Variants in ASB13 observed in about 807,000 individuals in gnomAD.
ASB13 encodes ankyrin repeat and SOCS box protein 13.
Under a neutral mutation model 28.8 loss-of-function variants are expected in ASB13, and 33 were observed. The observed-to-expected ratio is 1.15, with a 90% CI of 0.87 to 1.53. ASB13 has a LOEUF of 1.53. Ranked by LOEUF, ASB13 falls within the 40% of genes most tolerant of loss-of-function variation. The probability of loss-of-function intolerance (pLI) is 0.00; values close to 1 mark genes in which losing one functional copy is unlikely to be tolerated. For missense variants in ASB13, 414 were observed against 390.1 expected (o/e 1.06, Z -0.52); for synonymous variants, 182 against 172.9 (o/e 1.05, Z -0.41).
chr10:5,659,469 G>C lies in ASB13; in HGVS notation c.44-6419C>G, dbSNP rs148218152. ...CAGGCTCCCCGTCATGCACACAGCC[G>C]TGTCCAGTGACACCAAACTCTACCG... On this transcript the variant is annotated intron_variant, in intron 1 of 5. Coordinates refer to ENST00000357700, the MANE Select transcript of ASB13 (RefSeq NM_024701.4). The surrounding 1 kb of genome is among the most constrained non-coding windows in gnomAD (Gnocchi z 5.8). Among the ~76,000 whole-genome samples the C allele has an allele frequency of 5.3e-5, 8 of 152,180 alleles. No individual in the cohort carries two copies. The highest frequency in any genetic ancestry group is 1.9e-4 in the African/African-American group (8 of 41,446).
Position 5,664,530 on chromosome 10 carries a change from A to G in ASB13, c.43+1979T>C, listed in dbSNP as rs904705968. On this transcript the variant is annotated intron_variant, in intron 1 of 5. Transcript: ENST00000357700. The surrounding 1 kb of genome is among the most constrained non-coding windows in gnomAD (Gnocchi z 4.2). Reference sequence around the variant, plus strand: ...AATATTCACAGTCACAATAATGTCAACACTGAAATCTGATTTAAACAAAAA... The same window carrying G: ...AATATTCACAGTCACAATAATGTCAGCACTGAAATCTGATTTAAACAAAAA... Among the ~76,000 whole-genome samples the G allele has an allele frequency of 1.3e-5, 2 of 152,160 alleles. No homozygotes were observed. The highest frequency in any genetic ancestry group is 4.8e-5 in the African/African-American group (2 of 41,418).
chr10:5,665,139 G>A (rs1334524835), intron 1 of ASB13, among the ~76,000 whole-genome samples: 6 of 152,250 alleles, frequency 3.9e-5, no homozygotes, highest in African/African-American at 4.8e-5. Flanking sequence ...TTACAGGCAT[G>A]AGAGACTGCG....
At chr10:5,648,060 TAAACACCCACGCAGGC>T (rs1262680001) in intron 4 of ASB13, among the ~76,000 whole-genome samples, 34 of 93,744 alleles carry the variant, frequency 3.6e-4, no homozygotes, top group South Asian at 7.8e-4. Context: ...CCCACTCAGG[TAAACACCCACGCAGGC>T]AAACACCCAC....
In ASB13 at chr10:5,652,837, G is replaced by T; in HGVS notation, c.231+26C>A. 2.7e-6 allele frequency: 4 copies of T among 1,498,020 alleles called. No homozygotes were observed. Among genetic ancestry groups the T allele is most frequent in the East Asian group, 2.4e-5 (1 of 41,074 alleles). The allele number at this position is 1,498,020 out of a possible 1,614,324, so 92.8% of individuals were successfully genotyped here. A position where few individuals can be genotyped will look rare whatever the true frequency, so the allele number is the denominator to read the frequency against. On this transcript the variant is annotated intron_variant, in intron 2 of 5. Coordinates refer to ENST00000357700, the MANE Select transcript of ASB13 (RefSeq NM_024701.4). This position sits in a 1 kb window ranked among gnomAD's most constrained non-coding sequence, Gnocchi z 5.0. ...CATTCTGGCAGCTGCAGCCAGTCTGGGGGTCTGCCCTGAAGGGCCACTCAC... is the reference window on the plus strand; with the variant it reads ...CATTCTGGCAGCTGCAGCCAGTCTGTGGGTCTGCCCTGAAGGGCCACTCAC...
rs763098487 is a variant in ASB13, at chr10:5,649,104, C to T, written c.383G>A (p.Gly128Glu). 1.1e-5 allele frequency: 18 copies of T among 1,614,160 alleles called. No homozygotes were observed. In the South Asian group the frequency reaches 2.0e-4, roughly 18 times the overall value. ...AAGAAGCCTCACACATTCGGAACTC[C>T]CTTAAGATAAATGGAAAAGGGGGGG... Reference protein sequence around the residue: ...ASPLHEACMSGSSECVRLLID... With the variant: ...ASPLHEACMSESSECVRLLID... The change falls in exon 4 of 6, where the codon GGG becomes GAG. Residue 128 changes from glycine to glutamate, a missense_variant and splice_region_variant. Physicochemically the swap from Gly to Glu is moderately conservative, Grantham distance 98. Transcript: ENST00000357700. The surrounding 1 kb of genome is among the most constrained non-coding windows in gnomAD (Gnocchi z 6.4).
chr10:5,647,132 T>C (rs1355912901), intron 4 of ASB13, among the ~76,000 whole-genome samples: 2 of 152,156 alleles, frequency 1.3e-5, no homozygotes, highest in Non-Finnish European at 2.9e-5. Flanking sequence ...ACAGGTTTGT[T>C]CTTGTTGTTA....
At chr10:5,646,336 C>T (rs1278745867) in intron 4 of ASB13, among the ~76,000 whole-genome samples, 1 of 152,154 alleles carries the variant, frequency 6.6e-6, no homozygotes, top group African/African-American at 2.4e-5. Flanking sequence ...TTCTAATGAC[C>T]CAGGCTTCAG....
In ASB13 at chr10:5,653,101, C is replaced by A. The variant is rs1398340062; in HGVS notation, c.44-51G>T. On this transcript the variant is annotated intron_variant, in intron 1 of 5. Coordinates refer to ENST00000357700, the MANE Select transcript of ASB13 (RefSeq NM_024701.4). ...AAGACCCTGCCACTTCCATCCAGGA[C>A]AAATGAGCACACGTAAGACTCCAGG... The A allele has an allele frequency of 2.0e-6, 3 of 1,476,066 alleles. No homozygotes were observed. The South Asian group carries it at 4.0e-5, about 19-fold the overall frequency. 91.4% of individuals were successfully genotyped at this position (1,476,066 alleles called of 1,614,324 possible).
Position 5,641,995 on chromosome 10 carries a change from A to G in ASB13, c.518-34T>C, listed in dbSNP as rs756181554. 3 of 1,582,368 alleles carry G rather than the reference A, an allele frequency of 1.9e-6. No individual in the cohort carries two copies. The highest frequency in any genetic ancestry group is 1.1e-5 in the South Asian group (1 of 89,488). The stretch of plus-strand genomic sequence containing the variant: ...CAAGAGTGCAGAAGAGATTTCACCA[A>G]GAAGAGAACTTGAAGTCAGGGGGAC... On this transcript the variant is annotated intron_variant, in intron 4 of 5. Coordinates refer to ENST00000357700, the MANE Select transcript of ASB13 (RefSeq NM_024701.4). The surrounding 1 kb of genome is among the most constrained non-coding windows in gnomAD (Gnocchi z 8.4).
chr10:5,652,162 A>C lies in ASB13; in HGVS notation c.231+701T>G, dbSNP rs1371584556. ...GAAAAAGGCAACTCCCCAAATTGGC[A>C]AATTTTATTTAGCATTTGTCCAAAT... On this transcript the variant is annotated intron_variant, in intron 2 of 5. Coordinates refer to ENST00000357700, the MANE Select transcript of ASB13 (RefSeq NM_024701.4). The surrounding 1 kb of genome is among the most constrained non-coding windows in gnomAD (Gnocchi z 5.0). Among the ~76,000 whole-genome samples the C allele has an allele frequency of 6.6e-6, 1 of 152,178 alleles. No homozygotes were observed. Among genetic ancestry groups the C allele is most frequent in the Non-Finnish European group, 1.5e-5 (1 of 68,024 alleles).
In ASB13 at chr10:5,649,268, C is replaced by T. The variant is rs1834947506; in HGVS notation, c.383-164G>A. Among the ~76,000 whole-genome samples, 1 of 152,188 alleles carries T rather than the reference C, an allele frequency of 6.6e-6. No homozygotes were observed. On this transcript the variant is annotated intron_variant, in intron 3 of 5. Coordinates refer to ENST00000357700, the MANE Select transcript of ASB13 (RefSeq NM_024701.4). This position sits in a 1 kb window ranked among gnomAD's most constrained non-coding sequence, Gnocchi z 6.4. The stretch of plus-strand genomic sequence containing the variant: ...GGAGGAGTTCATGACCCGCATGGCC[C>T]TCAGGAAGCCAGGACACGGCTCTGC...
Position 5,652,745 on chromosome 10 carries a change from T to A in ASB13, c.231+118A>T, listed in dbSNP as rs1485791452. ...TCAGCCATGGGCTTCCTGGTACCTG[T>A]GTGCAGTGGACACAGTGCAGCCCCC... is the stretch of plus-strand genomic sequence containing the variant. On this transcript the variant is annotated intron_variant, in intron 2 of 5. Transcript: ENST00000357700. The surrounding 1 kb of genome is among the most constrained non-coding windows in gnomAD (Gnocchi z 5.0). 3.8e-6 allele frequency: 4 copies of A among 1,046,296 alleles called. No homozygotes were observed. The highest frequency in any genetic ancestry group is 5.2e-6 in the Non-Finnish European group (4 of 771,670). The allele number at this position is 1,046,296 out of a possible 1,614,324, so 64.8% of individuals were successfully genotyped here. A position where few individuals can be genotyped will look rare whatever the true frequency, so the allele number is the denominator to read the frequency against.
In ASB13 at chr10:5,653,081, C is replaced by T. The variant is rs1377175475; in HGVS notation, c.44-31G>A. The T allele has an allele frequency of 3.3e-6, 5 of 1,508,844 alleles. No individual in the cohort carries two copies. The South Asian group carries it at 5.0e-5, about 15-fold the overall frequency. 93.5% of individuals were successfully genotyped at this position (1,508,844 alleles called of 1,614,324 possible). A position where few individuals can be genotyped will look rare whatever the true frequency, so the allele number is the denominator to read the frequency against. Reference sequence around the variant, plus strand: ...AAGGAAGGGGACCTCAGGCTAAGACCCTGCCACTTCCATCCAGGACAAATG... The same window carrying T: ...AAGGAAGGGGACCTCAGGCTAAGACTCTGCCACTTCCATCCAGGACAAATG... On this transcript the variant is annotated intron_variant, in intron 1 of 5. Coordinates refer to ENST00000357700, the MANE Select transcript of ASB13 (RefSeq NM_024701.4).
chr10:5,654,086 G>A (rs1422071786), intron 1 of ASB13, among the ~76,000 whole-genome samples: 2 of 151,882 alleles, frequency 1.3e-5, no homozygotes, highest in Non-Finnish European at 2.9e-5. Flanking sequence ...TAGTCTCGGG[G>A]GAGAGCATTT....
chr10:5,656,410 G>A lies in ASB13; in HGVS notation c.44-3360C>T, dbSNP rs549344773. On this transcript the variant is annotated intron_variant, in intron 1 of 5. Transcript: ENST00000357700. This position sits in a 1 kb window ranked among gnomAD's most constrained non-coding sequence, Gnocchi z 4.3. ...AAGAATTAGCCGGCCGTGGTGGCACGTGCCTGTAATCCCAGCTACTCAGGA... is the reference window on the plus strand; with the variant it reads ...AAGAATTAGCCGGCCGTGGTGGCACATGCCTGTAATCCCAGCTACTCAGGA... 2.3e-3 allele frequency among the ~76,000 whole-genome samples: 357 copies of A among 152,200 alleles called. 1 individual carries two copies. The highest frequency in any genetic ancestry group is 8.2e-3 in the African/African-American group (339 of 41,512).
chr10:5,647,547 A>C (rs1282667770), intron 4 of ASB13, among the ~76,000 whole-genome samples: 1 of 152,156 alleles, frequency 6.6e-6, no homozygotes, highest in African/African-American at 2.4e-5. Context: ...AAACGCTGCC[A>C]ACTCCACTTC....
At position 5,659,403 on chromosome 10, in the gene ASB13, A is replaced by G. The variant is rs1444662062; in HGVS notation, c.44-6353T>C. On this transcript the variant is annotated intron_variant, in intron 1 of 5. Coordinates refer to ENST00000357700, the MANE Select transcript of ASB13 (RefSeq NM_024701.4). The surrounding 1 kb of genome is among the most constrained non-coding windows in gnomAD (Gnocchi z 5.8). ...CCTCCTCCAGGGTGGAACCCAGGCA[A>G]GGAACAAGGTCCACGACCATGCAGT... 2.0e-5 allele frequency among the ~76,000 whole-genome samples: 3 copies of G among 152,190 alleles called. No homozygotes were observed. Among genetic ancestry groups the G allele is most frequent in the Non-Finnish European group, 4.4e-5 (3 of 68,026 alleles).
Position 5,640,505 on chromosome 10 carries a change from G to C in ASB13, c.*198C>G. On this transcript the variant is annotated 3_prime_UTR_variant, in exon 6 of 6. Coordinates refer to ENST00000357700, the MANE Select transcript of ASB13 (RefSeq NM_024701.4). ...AGGGCCACACCCACAACTGTGACCT[G>C]AGACGCAGGCCTTCCCAACACCCTG... 3 of 646,042 alleles carry C rather than the reference G, an allele frequency of 4.6e-6. No homozygotes were observed. Among genetic ancestry groups the C allele is most frequent in the Non-Finnish European group, 7.7e-6 (3 of 388,960 alleles). The allele number at this position is 646,042 out of a possible 1,614,324, so 40.0% of individuals were successfully genotyped here.
In ASB13 at chr10:5,662,608, G is replaced by GAAGAA. The variant is rs1237131770; in HGVS notation, c.43+3900_43+3901insTTCTT. ...GAAGAGAAGAGAAGAGAAGAGAAGA[G>GAAGAA]AAGAGAAGAGAAGAGAAGAGAAGAG... On this transcript the variant is annotated intron_variant, in intron 1 of 5. Transcript: ENST00000357700. 1.3e-4 allele frequency among the ~76,000 whole-genome samples: 19 copies of GAAGAA among 147,748 alleles called. 2 individuals carry two copies. The highest frequency in any genetic ancestry group is 3.0e-5 in the Non-Finnish European group (2 of 66,358).
Sources: gnomAD v4.1 joint callset for allele counts (sites outside exome capture counted in the v4.1 genomes callset) on GRCh38, gnomAD v4.1.1 for gene constraint, Gnocchi (gnomAD v3.1) non-coding constraint, MANE v1.5 for transcripts, NCBI Gene and HGNC (gene_info 2026-07-23, HGNC 2026-07-21) for gene names.